Variants in INSL6 observed in about 807,000 individuals in gnomAD.
INSL6 encodes the protein insulin-like peptide INSL6.
Under a neutral mutation model 9.4 loss-of-function variants are expected in INSL6, and 16 were observed. The observed-to-expected ratio is 1.70, with a 90% confidence interval of 1.15 to 2.59. The LOEUF is 2.59. INSL6 is among the 30% of genes most tolerant of loss of function. The probability of loss-of-function intolerance (pLI) is 0.00; values close to 1 mark genes in which losing one functional copy is unlikely to be tolerated. For missense variants in INSL6, 391 were observed against 257.3 expected (o/e 1.52, Z -3.56); for synonymous variants, 154 against 96.9 (o/e 1.59, Z -3.46).
downstream of INSL6, among the ~76,000 whole-genome samples, chr9:5,160,176 C>CAAAAA (rs567544530): frequency 1.2e-5 from 1 of 83,538 alleles, no homozygotes; most frequent in South Asian, 4.1e-4. Context: ...AACTCGGTCT[C>CAAAAA]AAAAAAAAAA....
At chr9:5,042,011 G>A in the INSL6 span, 1 of 335,750 alleles carries the variant, frequency 3.0e-6, no homozygotes, top group Non-Finnish European at 5.8e-6. Context: ...CACCCACAGC[G>A]GCCCAGGGCC....
At chr9:5,008,400 C>G in the INSL6 span, among the ~76,000 whole-genome samples, 4 of 152,096 alleles carry the variant, frequency 2.6e-5, no homozygotes, top group African/African-American at 9.7e-5. Context: ...ATTTCTCAGT[C>G]AAATGTAGGA....
intron 2 of INSL6, among the ~76,000 whole-genome samples, chr9:5,143,665 T>C (rs79244392): frequency 1.5e-5 from 1 of 67,196 alleles, no homozygotes; most frequent in Non-Finnish European, 2.9e-5. Flanking sequence ...TTGTTAATCT[T>C]TTTTTTTTTT....
chr9:5,099,360 C>T, the INSL6 span: 2 of 152,134 alleles, frequency 1.3e-5, no homozygotes, highest in South Asian at 4.1e-4. Context: ...CAGCATTTAC[C>T]TTTTAAGTTA....
chr9:5,079,178 A>T, the INSL6 span, among the ~76,000 whole-genome samples: 3 of 152,320 alleles, frequency 2.0e-5, no homozygotes, highest in South Asian at 6.2e-4. Context: ...GAAAATTCTT[A>T]CAGGGTCTTA....
At chr9:5,016,663 G>T in the INSL6 span, among the ~76,000 whole-genome samples, 1 of 152,100 alleles carries the variant, frequency 6.6e-6, no homozygotes, top group Non-Finnish European at 1.5e-5. Flanking sequence ...CCACTACTTA[G>T]ATCAAGAAAT....
the INSL6 span, chr9:5,089,589 T>A: frequency 2.2e-5 from 6 of 273,806 alleles, no homozygotes; most frequent in Non-Finnish European, 3.4e-5. Context: ...TTCCAGCTAC[T>A]AGAATTTTCT....
chr9:5,072,547 A>G, the INSL6 span: 2 of 1,610,602 alleles, frequency 1.2e-6, no homozygotes, highest in Non-Finnish European at 1.7e-6. Flanking sequence ...GTACGAAGAG[A>G]AGTAGGAGAC....
chr9:5,130,738 AT>A (rs1459615123), intron 3 of INSL6, among the ~76,000 whole-genome samples: 1 of 135,818 alleles, frequency 7.4e-6, no homozygotes, highest in East Asian at 2.1e-4. Flanking sequence ...TTTTTTTTTT[AT>A]TTTTTTTGAG....
the INSL6 span, among the ~76,000 whole-genome samples, chr9:5,107,400 C>G: frequency 6.6e-6 from 1 of 152,064 alleles, no homozygotes; most frequent in Non-Finnish European, 1.5e-5. Flanking sequence ...TCCTAGTAGC[C>G]AACACATTTC....
chr9:5,148,449 G>T (rs905330255), intron 2 of INSL6, among the ~76,000 whole-genome samples: 7 of 152,110 alleles, frequency 4.6e-5, no homozygotes, highest in African/African-American at 1.7e-4. Flanking sequence ...CATGGACTTT[G>T]GGGGAGCCAT....
chr9:5,155,498 C>T (rs1211667460), intron 2 of INSL6, among the ~76,000 whole-genome samples: 4 of 146,254 alleles, frequency 2.7e-5, no homozygotes, highest in Non-Finnish European at 6.0e-5. Flanking sequence ...CCTGGAGGTA[C>T]CTAGCAGAAT....
At chr9:5,156,907 T>A (rs1283186392) in intron 2 of INSL6, among the ~76,000 whole-genome samples, 1 of 151,938 alleles carries the variant, frequency 6.6e-6, no homozygotes, top group Non-Finnish European at 1.5e-5. Flanking sequence ...ATTAAAAAAA[T>A]AAAATACTTA....
chr9:5,118,207 C>T, the INSL6 span, among the ~76,000 whole-genome samples: 2 of 152,138 alleles, frequency 1.3e-5, no homozygotes, highest in African/African-American at 4.8e-5. Context: ...ACTTATCACC[C>T]ACTTAAAAAG....
the INSL6 span, chr9:5,041,692 G>GT: frequency 5.9e-6 from 3 of 506,894 alleles, no homozygotes; most frequent in Admixed American, 2.2e-5. Context: ...GACCGAAGCG[G>GT]CTTCGTGTTC....
intron 1 of INSL6, among the ~76,000 whole-genome samples, chr9:5,173,810 G>A (rs907302643): frequency 1.3e-5 from 2 of 150,842 alleles, no homozygotes; most frequent in South Asian, 2.1e-4. Flanking sequence ...GTTCATCCCA[G>A]AAACACGAGG....
chr9:5,066,961 T>C, the INSL6 span, among the ~76,000 whole-genome samples: 1 of 152,102 alleles, frequency 6.6e-6, no homozygotes, highest in East Asian at 1.9e-4. Flanking sequence ...AAGTTATAAT[T>C]CCCAGGGTTT....
chr9:5,050,580 C>A, the INSL6 span: 1 of 1,202,454 alleles, frequency 8.3e-7, no homozygotes, highest in Non-Finnish European at 1.2e-6. Flanking sequence ...CAATTTGTAT[C>A]TTGTAAATGC....
At chr9:5,087,254 C>T in the INSL6 span, among the ~76,000 whole-genome samples, 6 of 152,164 alleles carry the variant, frequency 3.9e-5, no homozygotes, top group Non-Finnish European at 5.9e-5. Context: ...GCAGAAGGCA[C>T]CTCTTCACAG....
Sources: allele counts gnomAD v4.1 joint callset (sites outside exome capture counted in the v4.1 genomes callset), GRCh38; gene constraint gnomAD v4.1.1; transcripts MANE v1.5; gene names NCBI Gene and HGNC (gene_info 2026-07-23, HGNC 2026-07-21).